PTPRD: variants seen among roughly 807,000 people sequenced by gnomAD.
PTPRD encodes protein tyrosine phosphatase receptor type D, also known as receptor-type tyrosine-protein phosphatase delta.
PTPRD carries 34 observed loss-of-function variants against 214.5 expected under a neutral mutation model. That is an observed-to-expected ratio of 0.16 (90% CI 0.12 to 0.21). The LOEUF is 0.21. PTPRD is among the 10% of genes least tolerant of loss of function. The pLI, the probability that PTPRD is intolerant of heterozygous loss-of-function variation, is 1.00. For synonymous variants in PTPRD, 1,128 were observed against 845.7 expected (o/e 1.33, Z -5.79); for missense variants, 2,545 against 2,398.7 (o/e 1.06, Z -1.27).
At chr9:9,975,496 G>C (rs1419278570) in intron 4 of PTPRD, among the ~76,000 whole-genome samples, 1 of 152,196 alleles carries the variant, frequency 6.6e-6, no homozygotes, top group Non-Finnish European at 1.5e-5. Flanking sequence ...TGAGGACCTA[G>C]GACTAGCAGC....
At chr9:9,078,220 A>C (rs553392297) in intron 10 of PTPRD, among the ~76,000 whole-genome samples, 1 of 152,242 alleles carries the variant, frequency 6.6e-6, no homozygotes, top group South Asian at 2.1e-4. Context: ...TTAATTATTA[A>C]ATTTAGTATT....
intron 10 of PTPRD, among the ~76,000 whole-genome samples, chr9:9,120,704 T>C (rs2099816799): frequency 6.6e-6 from 1 of 152,226 alleles, no homozygotes; most frequent in Non-Finnish European, 1.5e-5. Context: ...AGATTTGAAG[T>C]AGCACCTGTA....
At chr9:9,571,611 C>T (rs1330820444) in intron 8 of PTPRD, among the ~76,000 whole-genome samples, 1 of 150,948 alleles carries the variant, frequency 6.6e-6, no homozygotes, top group African/African-American at 2.4e-5. Context: ...TATCATAATT[C>T]ATTTAGGCTT....
At chr9:9,688,105 G>GT (rs2097197826) in intron 7 of PTPRD, among the ~76,000 whole-genome samples, 1 of 151,808 alleles carries the variant, frequency 6.6e-6, no homozygotes, top group Non-Finnish European at 1.5e-5. Context: ...TGCCACGACT[G>GT]TAAGTTTCCT....
intron 3 of PTPRD, among the ~76,000 whole-genome samples, chr9:10,318,902 C>G (rs1263573113): frequency 1.3e-5 from 2 of 152,044 alleles, no homozygotes; most frequent in South Asian, 2.1e-4. Context: ...TATGGTGATT[C>G]TACTCATAAG....
At chr9:9,187,413 G>A (rs1225910410) in intron 9 of PTPRD, among the ~76,000 whole-genome samples, 3 of 151,998 alleles carry the variant, frequency 2.0e-5, no homozygotes, top group Non-Finnish European at 4.4e-5. Context: ...GAAAAAATAA[G>A]TTTTGAAATA....
chr9:9,384,815 A>C (rs932860362), intron 9 of PTPRD, among the ~76,000 whole-genome samples: 3 of 151,894 alleles, frequency 2.0e-5, no homozygotes, highest in Admixed American at 1.3e-4. Flanking sequence ...TGATATTTCT[A>C]TTTGGTGACT....
At chr9:8,688,349 A>G (rs571465499) in intron 12 of PTPRD, among the ~76,000 whole-genome samples, 48 of 152,108 alleles carry the variant, frequency 3.2e-4, no homozygotes, top group East Asian at 2.5e-3. Context: ...GGCGGATCAC[A>G]AGTTCAGGAG....
chr9:9,684,196 A>T (rs1361202534), intron 7 of PTPRD, among the ~76,000 whole-genome samples: 1 of 151,682 alleles, frequency 6.6e-6, no homozygotes, highest in Non-Finnish European at 1.5e-5. Context: ...ATTTTATGTC[A>T]CTCAAGGAAT....
chr9:10,491,715 C>CT (rs562113755), intron 2 of PTPRD, among the ~76,000 whole-genome samples: 664 of 146,042 alleles, frequency 4.5e-3, no homozygotes, highest in South Asian at 0.015. Flanking sequence ...GGGTTTCTTT[C>CT]TTTTTTTTTT....
At chr9:9,624,141 A>C (rs762917771) in intron 7 of PTPRD, among the ~76,000 whole-genome samples, 2 of 152,214 alleles carry the variant, frequency 1.3e-5, no homozygotes, top group Non-Finnish European at 2.9e-5. Context: ...TATTCCGAGT[A>C]GTGGATAAAG....
At chr9:8,474,380 CG>C (rs1245304935) in intron 30 of PTPRD, among the ~76,000 whole-genome samples, 6 of 152,026 alleles carry the variant, frequency 3.9e-5, no homozygotes, top group African/African-American at 1.4e-4. Flanking sequence ...CTTCATAGGT[CG>C]GGCCCACGTA....
intron 4 of PTPRD, among the ~76,000 whole-genome samples, chr9:10,012,909 G>A (rs1042770626): frequency 2.2e-4 from 33 of 151,998 alleles, no homozygotes; most frequent in African/African-American, 7.9e-4. Context: ...CAATGAGCAT[G>A]AGATTAAATT....
intron 2 of PTPRD, among the ~76,000 whole-genome samples, chr9:10,599,777 T>A (rs1310714404): frequency 1.3e-5 from 2 of 151,792 alleles, no homozygotes; most frequent in Non-Finnish European, 2.9e-5. Flanking sequence ...ATTTTTCTCC[T>A]TCACTTCTCG....
chr9:8,335,656 G>GAGAAAGAAGTAACGGGTATTCAATT (rs1845910361), intron 43 of PTPRD, among the ~76,000 whole-genome samples: 1 of 152,160 alleles, frequency 6.6e-6, no homozygotes, highest in African/African-American at 2.4e-5. Context: ...AATCAGGCAA[G>GAGAAAGAAGTAACGGGTATTCAATT]AGAAAGAAGT....
At position 10,506,334 on chromosome 9, in the gene PTPRD, T is replaced by A. The variant is rs147605036; in HGVS notation, c.-600+106064A>T. 4.2e-3 allele frequency among the ~76,000 whole-genome samples: 646 copies of A among 152,234 alleles called. 4 individuals are homozygous for A. The highest frequency in any genetic ancestry group is 0.015 in the African/African-American group (622 of 41,562). ...ATCTTTTATAAAAATAGGACATTTGTCAAATTGAAAAGTAACCTTGGTACC... is the reference window on the plus strand; with the variant it reads ...ATCTTTTATAAAAATAGGACATTTGACAAATTGAAAAGTAACCTTGGTACC... On this transcript the variant is annotated intron_variant, in intron 2 of 45. Coordinates refer to ENST00000381196, the MANE Select transcript of PTPRD (RefSeq NM_002839.4).
intron 2 of PTPRD, among the ~76,000 whole-genome samples, chr9:10,366,427 T>C (rs906935253): frequency 6.6e-6 from 1 of 152,062 alleles, no homozygotes; most frequent in Admixed American, 6.6e-5. Context: ...ATTGCTGGAG[T>C]TGCACTAGAT....
intron 8 of PTPRD, among the ~76,000 whole-genome samples, chr9:9,441,354 G>A (rs1026046482): frequency 3.3e-5 from 5 of 152,152 alleles, no homozygotes; most frequent in Non-Finnish European, 7.3e-5. Flanking sequence ...AGATGAATAG[G>A]AAGAAGACAG....
chr9:8,632,274 C>T (rs142541647), intron 14 of PTPRD, among the ~76,000 whole-genome samples: 1 of 151,596 alleles, frequency 6.6e-6, no homozygotes, highest in Non-Finnish European at 1.5e-5. Flanking sequence ...TGAAAGAAAC[C>T]AAGATGTTTA....
Sources: gnomAD v4.1 joint callset for allele counts (sites outside exome capture counted in the v4.1 genomes callset) on GRCh38, gnomAD v4.1.1 for gene constraint, MANE v1.5 for transcripts, NCBI Gene and HGNC (gene_info 2026-07-23, HGNC 2026-07-21) for gene names.